The following SERPINC1 variants were observed in gnomAD, a reference collection of about 807,000 sequenced individuals.
SERPINC1 encodes the protein serpin family C member 1.
SERPINC1 carries 12 observed loss-of-function variants against 43.4 expected under a neutral mutation model. That is an observed-to-expected ratio of 0.28 (90% confidence interval 0.18 to 0.45). The LOEUF is 0.45. Among genes scored for constraint, SERPINC1 ranks in the 20% least tolerant of loss-of-function variants. The pLI is 1.00. For missense variants in SERPINC1, 423 were observed against 578.8 expected (o/e 0.73, Z 2.76); for synonymous variants, 210 against 218.9 (o/e 0.96, Z 0.36).
At chr1:173,908,318 C>T (rs571661675) in intron 5 of SERPINC1, among the ~76,000 whole-genome samples, 2 of 151,394 alleles carry the variant, frequency 1.3e-5, no homozygotes, top group South Asian at 4.2e-4. Context: ...AGTGAAACCC[C>T]GTTTCTACTA....
rs759275331 is a variant in SERPINC1 at position 173,907,504 on chromosome 1, T to G, written c.1164A>C (p.Ala388=). The G allele has an allele frequency of 9.3e-6, 15 of 1,613,770 alleles. No homozygotes were observed. The African/African-American group carries it at 1.7e-4, about 19-fold the overall frequency. ...PEKSKLPGIV[A]EGRDDLYVSD... is the part of the protein sequence containing the mutation. Reference sequence around the variant, plus strand: ...AGACATAGAGGTCATCTCGGCCTTCTGCAACAATACCTGGAAGGAAGACCG... The same window carrying G: ...AGACATAGAGGTCATCTCGGCCTTCGGCAACAATACCTGGAAGGAAGACCG... Residue 388 remains alanine (A), a synonymous_variant, in exon 6 of 7, where the codon GCA becomes GCC. Transcript: ENST00000367698.
At chr1:173,907,407 A>G (rs1166474913) in intron 6 of SERPINC1, 43 bp downstream of exon 6, 12 of 1,475,544 alleles carry the variant, frequency 8.1e-6, no homozygotes, top group Non-Finnish European at 1.1e-5. Context: ...CTGTTCATGC[A>G]TCTCCTTTCT....
chr1:173,910,510 G>A (rs1342592247), intron 4 of SERPINC1, among the ~76,000 whole-genome samples: 3 of 152,108 alleles, frequency 2.0e-5, no homozygotes, highest in Non-Finnish European at 4.4e-5. Context: ...GAACCCAGGA[G>A]GCGAAGCTTG....
chr1:173,915,277 G>T (rs961334392), intron 1 of SERPINC1: 22 of 757,098 alleles, frequency 2.9e-5, no homozygotes, highest in African/African-American at 3.7e-5. Flanking sequence ...AAGAGTCAGG[G>T]TGGTAGGGGG....
intron 5 of SERPINC1, among the ~76,000 whole-genome samples, chr1:173,908,884 G>A (rs114906200): frequency 0.021 from 3,157 of 152,014 alleles, 104 homozygotes; most frequent in African/African-American, 0.073. Flanking sequence ...ATATTTTAAT[G>A]TGCCAGGTGC....
At chr1:173,911,175 A>C (rs1657756226) in intron 3 of SERPINC1, among the ~76,000 whole-genome samples, 1 of 152,238 alleles carries the variant, frequency 6.6e-6, no homozygotes, top group South Asian at 2.1e-4. Context: ...AAGAAGATAA[A>C]ATATTATTTT....
chr1:173,907,553 A>G (rs1657569036), intron 5 of SERPINC1, 39 bp from the exon 6 acceptor site: 1 of 1,531,708 alleles, frequency 6.5e-7, no homozygotes, highest in East Asian at 2.2e-5. Flanking sequence ...GAGATGGGAG[A>G]AAGTTGGCTT....
chr1:173,906,748 G>T (rs1657533756), intron 6 of SERPINC1, among the ~76,000 whole-genome samples: 1 of 151,784 alleles, frequency 6.6e-6, no homozygotes. Context: ...CTCCCAAGGT[G>T]CTGGGGTTAC....
At chr1:173,904,151 C>T in intron 6 of SERPINC1, 86 bp from the exon 7 acceptor site, 1 of 1,282,164 alleles carries the variant, frequency 7.8e-7, no homozygotes, top group Non-Finnish European at 1.1e-6. Flanking sequence ...ACAGCAATTC[C>T]TCAAATGCTT....
rs1443804575 is a variant in SERPINC1, at chr1:173,914,856, G to A, written c.105C>T (p.Ser35=). Residue 35 remains serine, a synonymous_variant, in exon 2 of 7, where the codon AGC becomes AGT. Transcript: ENST00000367698. ...GFWDCVTCHG[S]PVDICTAKPR... ...GCTTGGCTGTGCAGATGTCCACAGG[G>A]CTCCCGTGACAGGTCACGCAGTCCC... The A allele has an allele frequency of 6.2e-7, 1 of 1,614,198 alleles. No individual in the cohort carries two copies. Among genetic ancestry groups the A allele is most frequent in the East Asian group, 2.2e-5 (1 of 44,876 alleles).
chr1:173,913,176 T>A (rs144659820), intron 2 of SERPINC1, among the ~76,000 whole-genome samples: 67 of 152,344 alleles, frequency 4.4e-4, no homozygotes, highest in Non-Finnish European at 7.3e-4. Flanking sequence ...CATGCCTCCC[T>A]ATTGATGAAC....
chr1:173,907,525 G>C lies in SERPINC1; in HGVS notation c.1154-11C>G. ...CTTCTGCAACAATACCTGGAAGGAA[G>C]ACCGGAGAAGTCTTTGTGAGATGGG... On this transcript the variant is annotated splice_polypyrimidine_tract_variant and intron_variant, in intron 5 of 6. Coordinates refer to ENST00000367698, the MANE Select transcript of SERPINC1 (RefSeq NM_000488.4). 1 of 1,611,882 alleles carries C rather than the reference G, an allele frequency of 6.2e-7. No homozygotes were observed. The highest frequency in any genetic ancestry group is 8.5e-7 in the Non-Finnish European group (1 of 1,177,934).
At chr1:173,911,354 T>C (rs1657762882) in intron 3 of SERPINC1, among the ~76,000 whole-genome samples, 1 of 152,202 alleles carries the variant, frequency 6.6e-6, no homozygotes, top group Non-Finnish European at 1.5e-5. Context: ...GGAATGCCGA[T>C]TGAATAAAGC....
intron 4 of SERPINC1, 133 bp from the exon 5 acceptor site, chr1:173,910,075 AGGTT>A (rs1657704580): frequency 6.7e-6 from 6 of 899,216 alleles, no homozygotes; most frequent in Admixed American, 2.0e-5. Flanking sequence ...ATGCACAAAA[AGGTT>A]AACAATGGCT....
rs543358196 is a variant in SERPINC1, at chr1:173,910,897, G to A, written c.625-6C>T. ...CTGGATTGCTCTGCATTTTCCTGAG[G>A]AGAACAGAAAATAAACCTACTCACC... On this transcript the variant is annotated splice_polypyrimidine_tract_variant and splice_region_variant and intron_variant, in intron 3 of 6. Transcript: ENST00000367698. 3.1e-6 allele frequency: 5 copies of A among 1,614,120 alleles called. No individual in the cohort carries two copies. In the South Asian group the frequency reaches 5.5e-5, roughly 18 times the overall value.
chr1:173,910,069 A>C lies in SERPINC1; in HGVS notation c.763-127T>G, dbSNP rs147249395. On this transcript the variant is annotated intron_variant, in intron 4 of 6. Coordinates refer to ENST00000367698, the MANE Select transcript of SERPINC1 (RefSeq NM_000488.4). ...CGGAAAAAAGACTGGCGGGATATGC[A>C]CAAAAAGGTTAACAATGGCTGTGTC... 3.8e-3 allele frequency: 3,506 copies of C among 923,976 alleles called. 18 individuals carry two copies. Among genetic ancestry groups the C allele is most frequent in the Non-Finnish European group, 3.2e-3 (1,890 of 589,138 alleles). 57.2% of individuals were successfully genotyped at this position (923,976 alleles called of 1,614,324 possible).
chr1:173,910,275 T>C (rs1001555339), intron 4 of SERPINC1, among the ~76,000 whole-genome samples: 1 of 152,136 alleles, frequency 6.6e-6, no homozygotes, highest in African/African-American at 2.4e-5. Context: ...AAATGCATTT[T>C]ACTAGGTGAA....
intron 2 of SERPINC1, among the ~76,000 whole-genome samples, chr1:173,913,440 C>T (rs1211262010): frequency 6.6e-6 from 1 of 152,214 alleles, no homozygotes; most frequent in Non-Finnish European, 1.5e-5. Flanking sequence ...ACTCTCACGT[C>T]CTTGAGGCTT....
rs775413132 is a variant in SERPINC1 at position 173,909,585 on chromosome 1, C to T, written c.1120G>A (p.Asp374Asn). 20 of 1,613,852 alleles carry T rather than the reference C, an allele frequency of 1.2e-5. 1 individual carries two copies. Among genetic ancestry groups the T allele is most frequent in the Admixed American group, 5.0e-5 (3 of 60,008 alleles). ...KEQLQDMGLVDLFSPEKSKLP... is the reference protein window; with the variant it reads ...KEQLQDMGLVNLFSPEKSKLP... ...TTGGACTTTTCAGGGCTGAACAGAT[C>T]GACAAGGCCCATGTCTTGCAGCTGC... Residue 374 changes from aspartate to asparagine, a missense_variant, in exon 5 of 7, where the codon GAT becomes AAT. Transcript: ENST00000367698.
Sources: gnomAD v4.1 joint callset for allele counts (sites outside exome capture counted in the v4.1 genomes callset) on GRCh38, gnomAD v4.1.1 for gene constraint, MANE v1.5 for transcripts, NCBI Gene and HGNC (gene_info 2026-07-23, HGNC 2026-07-21) for gene names.